Variants in FGF12 observed in about 807,000 individuals in gnomAD.
The protein encoded by FGF12 is fibroblast growth factor 12B.
A neutral mutation model predicts 23.6 loss-of-function variants in FGF12; 14 were observed. That is an observed-to-expected ratio of 0.59 (90% CI 0.39 to 0.93). FGF12 has a LOEUF of 0.93. Ranked by LOEUF, FGF12 falls within the 40% of genes least tolerant of loss-of-function variation. The pLI is 0.00. For synonymous variants in FGF12, 62 were observed against 77.3 expected, an observed-to-expected ratio of 0.80 and a Z score of 1.04; for missense variants, 175 against 217.8, an observed-to-expected ratio of 0.80 and a Z score of 1.24.
At chr3:192,375,195 T>C (rs944996310) in intron 2 of FGF12, among the ~76,000 whole-genome samples, 4 of 152,342 alleles carry the variant, frequency 2.6e-5, no homozygotes, top group African/African-American at 9.6e-5. Flanking sequence ...GAAATTCCCA[T>C]AATAGATGGC....
chr3:192,460,230 T>TA (rs1274332150), intron 2 of FGF12, among the ~76,000 whole-genome samples: 2 of 152,222 alleles, frequency 1.3e-5, no homozygotes, highest in Non-Finnish European at 2.9e-5. Flanking sequence ...CTCCAACCTT[T>TA]TCTTCCTTGC....
rs1167068577 is a variant in FGF12, at chr3:192,408,981, T to C, written c.14-48443A>G. 1.1e-5 allele frequency: 11 copies of C among 970,680 alleles called. No individual in the cohort carries two copies. The highest frequency in any genetic ancestry group is 1.3e-5 in the Non-Finnish European group (11 of 825,352). 60.1% of individuals were successfully genotyped at this position (970,680 alleles called of 1,614,324 possible). A position where few individuals can be genotyped will look rare whatever the true frequency, so the allele number is the denominator to read the frequency against. ...GAAGTGGGAGCGGTTACCCGGAGTC[T>C]GGGTAGGGGCGCGGGGCGGGGGCAG... On this transcript the variant is annotated intron_variant, in intron 2 of 5. Transcript: ENST00000445105. The surrounding 1 kb of genome is among the most constrained non-coding windows in gnomAD (Gnocchi z 7.3).
At chr3:192,289,575 ACCTGGCT>A (rs1714648046) in intron 4 of FGF12, among the ~76,000 whole-genome samples, 2 of 152,206 alleles carry the variant, frequency 1.3e-5, no homozygotes, top group Middle Eastern at 3.2e-3. Context: ...TACTGCACAG[ACCTGGCT>A]CCAGCCTACA....
chr3:192,610,999 T>C (rs1037240808), intron 2 of FGF12, among the ~76,000 whole-genome samples: 1 of 152,078 alleles, frequency 6.6e-6, no homozygotes, highest in Non-Finnish European at 1.5e-5. Flanking sequence ...TTAGCCCTTA[T>C]CATGATCTTT....
At chr3:192,506,269 T>C (rs1382605211) in intron 2 of FGF12, among the ~76,000 whole-genome samples, 1 of 152,248 alleles carries the variant, frequency 6.6e-6, no homozygotes, top group Non-Finnish European at 1.5e-5. Context: ...TGTTTCAACA[T>C]TGCTTATCTC....
chr3:192,666,717 A>G (rs978546899), intron 2 of FGF12, among the ~76,000 whole-genome samples: 2 of 152,168 alleles, frequency 1.3e-5, no homozygotes, highest in South Asian at 2.1e-4. Flanking sequence ...TGCATATTCA[A>G]TGCAAATGTC....
chr3:192,715,603 G>A (rs1375607146), intron 2 of FGF12, among the ~76,000 whole-genome samples: 2 of 152,148 alleles, frequency 1.3e-5, no homozygotes, highest in Non-Finnish European at 2.9e-5. Flanking sequence ...AGTGTAATAG[G>A]GGATAATTGA....
chr3:192,607,465 G>C (rs886626438), intron 2 of FGF12, among the ~76,000 whole-genome samples: 2 of 152,132 alleles, frequency 1.3e-5, no homozygotes, highest in Admixed American at 6.6e-5. Flanking sequence ...CTTTCCACTA[G>C]AGCTTCTGTT....
intron 2 of FGF12, among the ~76,000 whole-genome samples, chr3:192,503,345 A>G (rs1156807840): frequency 1.3e-5 from 2 of 152,132 alleles, no homozygotes; most frequent in African/African-American, 4.8e-5. Context: ...TAATCTACCA[A>G]CATAAGAGAG....
At chr3:192,411,110 C>A (rs1721185853) in intron 2 of FGF12, among the ~76,000 whole-genome samples, 1 of 152,104 alleles carries the variant, frequency 6.6e-6, no homozygotes, top group Admixed American at 6.5e-5. Flanking sequence ...CCTGAAGCTA[C>A]TGAAAATGGA....
intron 2 of FGF12, among the ~76,000 whole-genome samples, chr3:192,597,624 G>C (rs145344048): frequency 5.9e-5 from 9 of 152,174 alleles, no homozygotes; most frequent in Non-Finnish European, 1.0e-4. Flanking sequence ...ATAGAACTGG[G>C]AACAAATGGA....
At chr3:192,497,649 C>T (rs1377797397) in intron 2 of FGF12, among the ~76,000 whole-genome samples, 3 of 152,198 alleles carry the variant, frequency 2.0e-5, no homozygotes, top group African/African-American at 7.2e-5. Context: ...TGCTTCAGGA[C>T]TTTTCCACCT....
intron 2 of FGF12, among the ~76,000 whole-genome samples, chr3:192,545,445 C>T (rs1725472315): frequency 6.6e-6 from 1 of 152,226 alleles, no homozygotes; most frequent in Admixed American, 6.5e-5. Flanking sequence ...TCCTCCACAA[C>T]CACTGATCTT....
chr3:192,633,636 T>C (rs1715477386), intron 2 of FGF12, among the ~76,000 whole-genome samples: 1 of 152,306 alleles, frequency 6.6e-6, no homozygotes, highest in East Asian at 1.9e-4. Context: ...GATGTGCTGC[T>C]GTAGCACTGG....
intron 4 of FGF12, among the ~76,000 whole-genome samples, chr3:192,280,950 CA>C (rs1714107693): frequency 1.3e-5 from 2 of 152,016 alleles, no homozygotes; most frequent in Non-Finnish European, 2.9e-5. Context: ...TGTTTCATTA[CA>C]AAAAGGATTT....
rs925957482 is a variant in FGF12, at chr3:192,691,777, T to C, written c.13+35404A>G. Among the ~76,000 whole-genome samples the C allele has an allele frequency of 4.0e-5, 6 of 151,692 alleles. No homozygotes were observed. In the East Asian group the frequency reaches 8.0e-4, roughly 20 times the overall value. On this transcript the variant is annotated intron_variant, in intron 2 of 5. Transcript: ENST00000445105. ...TGAAAAAATAAAATTAACAAACTTT[T>C]AGCTTGAATCACTAAGAATTTAAAA...
chr3:192,326,736 C>T (rs957599994), intron 4 of FGF12, among the ~76,000 whole-genome samples: 2 of 152,164 alleles, frequency 1.3e-5, no homozygotes, highest in African/African-American at 4.8e-5. Context: ...TGTTGGAACA[C>T]TGTAGTATGG....
chr3:192,655,873 A>G (rs1278091090), intron 2 of FGF12, among the ~76,000 whole-genome samples: 2 of 152,042 alleles, frequency 1.3e-5, no homozygotes, highest in African/African-American at 4.8e-5. Flanking sequence ...GGGAATGGGA[A>G]GAGGTGAACA....
intron 2 of FGF12, chr3:192,521,462 G>A (rs1330713563): frequency 6.6e-6 from 1 of 152,144 alleles, no homozygotes; most frequent in African/African-American, 2.4e-5. Flanking sequence ...AATATGAGCT[G>A]TTTATTTTGC....
Sources: allele counts gnomAD v4.1 joint callset (sites outside exome capture counted in the v4.1 genomes callset), GRCh38; gene constraint gnomAD v4.1.1; non-coding constraint Gnocchi (gnomAD v3.1); transcripts MANE v1.5; gene names NCBI Gene and HGNC (gene_info 2026-07-23, HGNC 2026-07-21).